EXTL3: variants seen among roughly 807,000 people sequenced by gnomAD.
The protein encoded by EXTL3 is exostosin like glycosyltransferase 3.
In EXTL3, 27 loss-of-function variants were observed where a neutral mutation model predicts 69.3. The observed-to-expected ratio is 0.39, with a 90% CI of 0.29 to 0.54. The LOEUF (loss-of-function observed/expected upper bound fraction) is 0.54, where lower values mean the gene tolerates loss of function less well. Ranked by LOEUF, EXTL3 falls within the 20% of genes least tolerant of loss-of-function variation. EXTL3 has a pLI of 0.69. For missense variants in EXTL3, 1,003 were observed against 1,231.8 expected (o/e 0.81, Z 2.78); for synonymous variants, 511 against 499.4 (o/e 1.02, Z -0.31).
downstream of EXTL3, among the ~76,000 whole-genome samples, chr8:28,755,971 C>G (rs1802115930): frequency 6.6e-6 from 1 of 152,200 alleles, no homozygotes; most frequent in South Asian, 2.1e-4. Context: ...TGCCATTCAT[C>G]CTTTCATGGT....
At chr8:28,677,503 A>G (rs1399776104) in intron 1 of EXTL3, among the ~76,000 whole-genome samples, 7 of 152,244 alleles carry the variant, frequency 4.6e-5, no homozygotes, top group African/African-American at 1.7e-4. Context: ...AGGATAAAGG[A>G]AAATTTCAAA....
chr8:28,637,611 A>AAG (rs1806676855), intron 1 of EXTL3, among the ~76,000 whole-genome samples: 1 of 151,670 alleles, frequency 6.6e-6, no homozygotes. Context: ...CAGACTAGGC[A>AAG]ACATAGCAAG....
At position 28,750,634 on chromosome 8, in the gene EXTL3, C is replaced by T. The variant is rs1037086816; in HGVS notation, c.2551-23C>T. Reference sequence around the variant, plus strand: ...GTCAGTATTAGCTGGGATTCCCACTCTGTCTCTCTCTCCCGTTTCCAGGTG... The same window carrying T: ...GTCAGTATTAGCTGGGATTCCCACTTTGTCTCTCTCTCCCGTTTCCAGGTG... On this transcript the variant is annotated intron_variant, in intron 6 of 6. Coordinates refer to ENST00000220562, the MANE Select transcript of EXTL3 (RefSeq NM_001440.4). The surrounding 1 kb of genome is among the most constrained non-coding windows in gnomAD (Gnocchi z 5.2). The T allele has an allele frequency of 1.9e-6, 3 of 1,599,048 alleles. No homozygotes were observed. The African/African-American group carries it at 4.0e-5, about 21-fold the overall frequency.
At chr8:28,747,558 T>C (rs914857278) in intron 6 of EXTL3, among the ~76,000 whole-genome samples, 1 of 152,108 alleles carries the variant, frequency 6.6e-6, no homozygotes, top group African/African-American at 2.4e-5. Flanking sequence ...ATTTAAAAAT[T>C]ATTTGAGAAA....
intron 3 of EXTL3, among the ~76,000 whole-genome samples, chr8:28,722,697 C>G (rs1277605965): frequency 6.7e-6 from 1 of 150,206 alleles, no homozygotes; most frequent in Non-Finnish European, 1.5e-5. Context: ...TTGCTTGAGC[C>G]TGGTAAGTCA....
At chr8:28,620,305 T>C (rs2130541078), upstream of EXTL3, among the ~76,000 whole-genome samples, 1 of 152,296 alleles carries the variant, frequency 6.6e-6, no homozygotes, top group African/African-American at 2.4e-5. Context: ...CCTAACATTG[T>C]AGAACTTCTC....
intron 2 of EXTL3, among the ~76,000 whole-genome samples, chr8:28,611,697 A>G (rs1401984270): frequency 6.6e-6 from 1 of 152,178 alleles, no homozygotes; most frequent in Non-Finnish European, 1.5e-5. Flanking sequence ...GCCTCTTGGA[A>G]GCATAAAGGA....
chr8:28,619,264 GATAAAAAAAAAAAAAAAAAAAA>G (rs1265303001), upstream of EXTL3, among the ~76,000 whole-genome samples: 15 of 52,122 alleles, frequency 2.9e-4, no homozygotes, highest in African/African-American at 1.2e-3. Context: ...TTAGCTTAGT[GATAAAAAAAAAAAAAAAAAAAA>G]AAAAAAAAAA....
chr8:28,732,802 C>T (rs1478142054), intron 4 of EXTL3, among the ~76,000 whole-genome samples: 1 of 152,118 alleles, frequency 6.6e-6, no homozygotes, highest in Non-Finnish European at 1.5e-5. Flanking sequence ...CAGCTCATTG[C>T]AACCTCTGCC....
At chr8:28,646,412 T>A (rs985550433) in intron 1 of EXTL3, among the ~76,000 whole-genome samples, 1 of 152,222 alleles carries the variant, frequency 6.6e-6, no homozygotes, top group Non-Finnish European at 1.5e-5. Context: ...ATTTTGTTTA[T>A]GGTTGACATA....
intron 3 of EXTL3, among the ~76,000 whole-genome samples, chr8:28,720,325 G>T (rs1801269272): frequency 6.6e-6 from 1 of 152,126 alleles, no homozygotes; most frequent in Admixed American, 6.6e-5. Context: ...TAGCACCAGG[G>T]TTGTTCCCAG....
chr8:28,662,756 A>G (rs1003136732), intron 1 of EXTL3, among the ~76,000 whole-genome samples: 4 of 152,150 alleles, frequency 2.6e-5, no homozygotes, highest in Admixed American at 6.6e-5. Context: ...TCTAAAAAAT[A>G]CAAAAATTAG....
intron 1 of EXTL3, among the ~76,000 whole-genome samples, chr8:28,704,614 T>C (rs1800880820): frequency 6.6e-6 from 1 of 152,232 alleles, no homozygotes; most frequent in African/African-American, 2.4e-5. Context: ...TTTAAATGTT[T>C]TTTCAGCAAT....
intron 1 of EXTL3, among the ~76,000 whole-genome samples, chr8:28,633,373 C>T (rs1191477347): frequency 6.6e-6 from 1 of 151,850 alleles, no homozygotes; most frequent in Non-Finnish European, 1.5e-5. Context: ...ATAAATCAGG[C>T]CAGGTGTGGT....
intron 1 of EXTL3, among the ~76,000 whole-genome samples, chr8:28,686,846 A>G (rs1052262078): frequency 6.6e-6 from 1 of 152,188 alleles, no homozygotes; most frequent in African/African-American, 2.4e-5. Flanking sequence ...TTTACATATG[A>G]TATCTCATTT....
intron 1 of EXTL3, among the ~76,000 whole-genome samples, chr8:28,681,661 C>G (rs1387334042): frequency 2.6e-5 from 4 of 152,178 alleles, no homozygotes; most frequent in African/African-American, 9.7e-5. Flanking sequence ...GTAAATACTA[C>G]AGACGTGCGA....
intron 1 of EXTL3, among the ~76,000 whole-genome samples, chr8:28,633,393 C>T (rs1344800646): frequency 6.6e-6 from 1 of 151,878 alleles, no homozygotes; most frequent in African/African-American, 2.4e-5. Context: ...TGGCTCACTC[C>T]TGTAATCTCA....
At chr8:28,724,306 C>T (rs4732651) in intron 3 of EXTL3, among the ~76,000 whole-genome samples, 39,430 of 152,112 alleles carry the variant, frequency 0.26, 5,171 homozygotes, top group Middle Eastern at 0.33. Flanking sequence ...TTAAAACAGA[C>T]TTGTCTCATC....
intron 4 of EXTL3, among the ~76,000 whole-genome samples, chr8:28,735,604 T>A (rs1801634713): frequency 6.6e-6 from 1 of 152,240 alleles, no homozygotes; most frequent in African/African-American, 2.4e-5. Context: ...CCTTTTCTCA[T>A]GCATTTGGGC....
Sources: gnomAD v4.1 joint callset for allele counts (sites outside exome capture counted in the v4.1 genomes callset) on GRCh38, gnomAD v4.1.1 for gene constraint, Gnocchi (gnomAD v3.1) non-coding constraint, MANE v1.5 for transcripts, NCBI Gene and HGNC (gene_info 2026-07-23, HGNC 2026-07-21) for gene names.